PARN: variants seen among roughly 807,000 people sequenced by gnomAD.
PARN encodes the protein poly(A)-specific ribonuclease PARN.
PARN carries 71 observed loss-of-function variants against 102.8 expected under a neutral mutation model. That is an observed-to-expected ratio of 0.69 (90% CI 0.57 to 0.84). PARN has a LOEUF of 0.84. Ranked by LOEUF, PARN falls within the 40% of genes least tolerant of loss-of-function variation. The pLI, the probability that PARN is intolerant of heterozygous loss-of-function variation, is 0.00. For missense variants in PARN, 782 were observed against 760.9 expected, an observed-to-expected ratio of 1.03 and a Z score of -0.33; for synonymous variants, 261 against 252.9, an observed-to-expected ratio of 1.03 and a Z score of -0.30.
At chr16:14,562,326 C>T (rs752100181) in intron 18 of PARN, among the ~76,000 whole-genome samples, 1 of 151,020 alleles carries the variant, frequency 6.6e-6, no homozygotes, top group Non-Finnish European at 1.5e-5. Flanking sequence ...GGTGTGGTGG[C>T]ACATGCCTGT....
chr16:14,566,014 C>G (rs1968405733), intron 18 of PARN, among the ~76,000 whole-genome samples: 1 of 152,178 alleles, frequency 6.6e-6, no homozygotes, highest in South Asian at 2.1e-4. Flanking sequence ...TTGGAAATAA[C>G]TATTACCCAC....
At chr16:14,518,461 A>C (rs1418162582) in intron 21 of PARN, among the ~76,000 whole-genome samples, 2 of 152,146 alleles carry the variant, frequency 1.3e-5, no homozygotes, top group Non-Finnish European at 2.9e-5. Flanking sequence ...CAGATTGGCT[A>C]GCAAAGCAAA....
At chr16:14,585,367 T>G (rs993789855) in intron 14 of PARN, among the ~76,000 whole-genome samples, 3 of 131,218 alleles carry the variant, frequency 2.3e-5, no homozygotes, top group Admixed American at 7.4e-5. Flanking sequence ...TTTCTCTGTT[T>G]TTTTTTTTTT....
chr16:14,436,642 G>T lies in PARN; in HGVS notation c.*75C>A. 9.4e-7 allele frequency: 1 copy of T among 1,065,626 alleles called. No homozygotes were observed. Among genetic ancestry groups the T allele is most frequent in the Non-Finnish European group, 1.4e-6 (1 of 703,842 alleles). 66.0% of individuals were successfully genotyped at this position (1,065,626 alleles called of 1,614,324 possible). ...ACCACATTTGATTAAGTTAAATACA[G>T]TGCGGCTTCCAAATGTGCCAGCCGG... On this transcript the variant is annotated 3_prime_UTR_variant, in exon 24 of 24. Coordinates refer to ENST00000437198, the MANE Select transcript of PARN (RefSeq NM_002582.4).
chr16:14,622,565 C>T (rs930825230), intron 5 of PARN, among the ~76,000 whole-genome samples: 1 of 152,214 alleles, frequency 6.6e-6, no homozygotes, highest in Non-Finnish European at 1.5e-5. Flanking sequence ...AGCGCAGTGG[C>T]GCGATCTTGG....
intron 22 of PARN, among the ~76,000 whole-genome samples, chr16:14,460,707 C>T (rs996002943): frequency 2.0e-5 from 3 of 152,192 alleles, no homozygotes; most frequent in Non-Finnish European, 4.4e-5. Context: ...TCAGAAACCA[C>T]TGAGAATTAA....
Position 14,584,635 on chromosome 16 carries a change from T to C in PARN, c.1005+114A>G. ...CAAAGTATAACCAAATGAATAAAGA[T>C]CTTTACAGATGCATTAAATACCTCC... On this transcript the variant is annotated intron_variant, in intron 15 of 23. Transcript: ENST00000437198. The C allele has an allele frequency of 3.7e-6, 3 of 810,898 alleles. No homozygotes were observed. In the South Asian group the frequency reaches 4.6e-5, roughly 13 times the overall value. 50.2% of individuals were successfully genotyped at this position (810,898 alleles called of 1,614,324 possible). A position where few individuals can be genotyped will look rare whatever the true frequency, so the allele number is the denominator to read the frequency against.
At chr16:14,522,359 C>A (rs1408431940) in intron 21 of PARN, among the ~76,000 whole-genome samples, 1 of 152,048 alleles carries the variant, frequency 6.6e-6, no homozygotes, top group Non-Finnish European at 1.5e-5. Context: ...TTCCTAAATG[C>A]ACAAATCTCA....
intron 23 of PARN, among the ~76,000 whole-genome samples, chr16:14,440,218 A>C (rs774924157): frequency 1.3e-5 from 2 of 152,238 alleles, no homozygotes; most frequent in Non-Finnish European, 1.5e-5. Flanking sequence ...CAAATAAGAA[A>C]TCTGGATGGC....
chr16:14,540,467 T>C (rs982292502), intron 21 of PARN, among the ~76,000 whole-genome samples: 5 of 152,288 alleles, frequency 3.3e-5, no homozygotes, highest in African/African-American at 9.6e-5. Context: ...TATATCAATA[T>C]ATTGTATTTC....
rs1048284312 is a variant in PARN, at chr16:14,482,297, T to C, written c.1670+341A>G. On this transcript the variant is annotated intron_variant, in intron 22 of 23. Coordinates refer to ENST00000437198, the MANE Select transcript of PARN (RefSeq NM_002582.4). ...GTAGTGCCAGCTACTCAGGTTGAGG[T>C]TGGAGGATCACTTGAGCCCAGGAGG... Among the ~76,000 whole-genome samples, 5 of 151,938 alleles carry C rather than the reference T, an allele frequency of 3.3e-5. No homozygotes were observed. The South Asian group carries it at 6.2e-4, about 19-fold the overall frequency.
At chr16:14,627,374 T>C in intron 3 of PARN, 38 bp from the exon 4 acceptor site, 1 of 1,446,660 alleles carries the variant, frequency 6.9e-7, no homozygotes, top group South Asian at 1.2e-5. Flanking sequence ...ACAAAAGTGC[T>C]GCATATTCCA....
chr16:14,541,089 G>A (rs1966827917), intron 21 of PARN, among the ~76,000 whole-genome samples: 2 of 149,848 alleles, frequency 1.3e-5, no homozygotes, highest in African/African-American at 2.5e-5. Context: ...TCAGGGGTTT[G>A]AGACCAGCCT....
At chr16:14,463,571 T>G (rs138299894) in intron 22 of PARN, among the ~76,000 whole-genome samples, 1 of 152,160 alleles carries the variant, frequency 6.6e-6, no homozygotes, top group African/African-American at 2.4e-5. Flanking sequence ...CTCCATATGT[T>G]GAAAATGATA....
chr16:14,503,133 C>G (rs1323866560), intron 21 of PARN, among the ~76,000 whole-genome samples: 1 of 152,078 alleles, frequency 6.6e-6, no homozygotes, highest in Non-Finnish European at 1.5e-5. Context: ...AGAAGAACCT[C>G]CCCCCACAGA....
chr16:14,609,740 C>G (rs1339150574), intron 7 of PARN, among the ~76,000 whole-genome samples: 1 of 152,180 alleles, frequency 6.6e-6, no homozygotes, highest in Non-Finnish European at 1.5e-5. Context: ...CTGAGCAAGA[C>G]CAGACACTTG....
At chr16:14,591,810 G>A (rs1480936629) in intron 13 of PARN, 1 of 152,216 alleles carries the variant, frequency 6.6e-6, no homozygotes. Context: ...GGCTGAGGCG[G>A]GCAGATCAGG....
intron 18 of PARN, among the ~76,000 whole-genome samples, chr16:14,574,585 C>A (rs1487842929): frequency 2.0e-5 from 3 of 152,000 alleles, no homozygotes; most frequent in Non-Finnish European, 2.9e-5. Flanking sequence ...TGGTGGCGCA[C>A]ACCTGTAATC....
At chr16:14,593,469 G>T (rs2151767357) in intron 12 of PARN, 91 bp from the exon 13 acceptor site, 6 of 173,566 alleles carry the variant, frequency 3.5e-5, no homozygotes, top group Admixed American at 9.5e-5. Flanking sequence ...AGAGGACTTT[G>T]TACTAAACTC....
Sources: allele counts gnomAD v4.1 joint callset (sites outside exome capture counted in the v4.1 genomes callset), GRCh38; gene constraint gnomAD v4.1.1; transcripts MANE v1.5; gene names NCBI Gene and HGNC (gene_info 2026-07-23, HGNC 2026-07-21).